Variants in AEBP2 observed in about 807,000 individuals in gnomAD.
The protein encoded by AEBP2 is zinc finger protein AEBP2.
A neutral mutation model predicts 50.8 loss-of-function variants in AEBP2; 10 were observed. The ratio of observed to expected loss-of-function variants is 0.20; its 90% CI spans 0.12 to 0.33. The LOEUF is 0.33. AEBP2 is among the 10% of genes least tolerant of loss of function. AEBP2 has a pLI of 1.00. For missense variants in AEBP2, 570 were observed against 688.0 expected, an observed-to-expected ratio of 0.83 and a Z score of 1.92; for synonymous variants, 296 against 261.3, an observed-to-expected ratio of 1.13 and a Z score of -1.28.
At chr12:19,468,791 C>T (rs935493089) in intron 2 of AEBP2, among the ~76,000 whole-genome samples, 1 of 152,172 alleles carries the variant, frequency 6.6e-6, no homozygotes, top group African/African-American at 2.4e-5. Flanking sequence ...TTCCCAGAGG[C>T]AAAACCTGTT....
At chr12:19,494,144 A>T (rs184113601) in intron 4 of AEBP2, among the ~76,000 whole-genome samples, 158 bp downstream of exon 4, 4 of 152,210 alleles carry the variant, frequency 2.6e-5, no homozygotes, top group Non-Finnish European at 4.4e-5. Flanking sequence ...TCAGTGGCAC[A>T]TGTTTGTAGT....
chr12:19,473,455 G>T (rs1000627096), intron 3 of AEBP2, 100 bp downstream of exon 3: 4 of 421,752 alleles, frequency 9.5e-6, no homozygotes, highest in Non-Finnish European at 1.4e-5. Flanking sequence ...GCCCAGGCTG[G>T]AGTGCAATGG....
At chr12:19,460,845 A>T in intron 1 of AEBP2, among the ~76,000 whole-genome samples, 1 of 151,022 alleles carries the variant, frequency 6.6e-6, no homozygotes, top group East Asian at 2.0e-4. Context: ...TAGTAGAGAC[A>T]GGGTTTCACC....
At chr12:19,462,214 G>A (rs1948391387) in intron 1 of AEBP2, among the ~76,000 whole-genome samples, 3 of 152,130 alleles carry the variant, frequency 2.0e-5, no homozygotes, top group Admixed American at 2.0e-4. Context: ...GTGTGTGTGG[G>A]GGTGTGGGTG....
chr12:19,465,276 C>G (rs1258701096), intron 2 of AEBP2, among the ~76,000 whole-genome samples: 1 of 151,966 alleles, frequency 6.6e-6, no homozygotes, highest in African/African-American at 2.4e-5. Context: ...CCCCTGTAGT[C>G]CCAGCTACTC....
chr12:19,457,151 A>T (rs562922900), intron 1 of AEBP2: 1 of 1,597,866 alleles, frequency 6.3e-7, no homozygotes, highest in East Asian at 2.2e-5. Context: ...TTCTGGCTGT[A>T]GGGTGGCTCA....
intron 1 of AEBP2, among the ~76,000 whole-genome samples, chr12:19,444,333 G>A (rs1948020032): frequency 6.6e-6 from 1 of 152,334 alleles, no homozygotes; most frequent in South Asian, 2.1e-4. Flanking sequence ...ATAGAAGACA[G>A]TCTCAAGTTC....
At chr12:19,477,945 T>TAGA (rs1376998801) in intron 3 of AEBP2, among the ~76,000 whole-genome samples, 1 of 152,210 alleles carries the variant, frequency 6.6e-6, no homozygotes, top group African/African-American at 2.4e-5. Context: ...GTTTATCCTC[T>TAGA]CCTCTACATT....
intron 2 of AEBP2, among the ~76,000 whole-genome samples, chr12:19,471,999 T>C (rs1948580894): frequency 6.6e-6 from 1 of 152,178 alleles, no homozygotes. Flanking sequence ...TTAAAGAAAC[T>C]AGCAAATTCG....
intron 1 of AEBP2, among the ~76,000 whole-genome samples, chr12:19,424,784 G>T (rs1384085091): frequency 6.6e-6 from 1 of 151,886 alleles, no homozygotes; most frequent in East Asian, 2.0e-4. Context: ...GAGGTGGGTG[G>T]ATCACTTGAG....
intron 1 of AEBP2, chr12:19,456,108 C>A (rs1046211224): frequency 6.0e-6 from 3 of 498,618 alleles, no homozygotes; most frequent in Non-Finnish European, 6.7e-6. Flanking sequence ...ATTCTCCTTT[C>A]CTTCTGAAGG....
chr12:19,429,450 G>A lies in AEBP2; in HGVS notation c.-17+25234G>A, dbSNP rs1202946244. Among the ~76,000 whole-genome samples the A allele has an allele frequency of 2.0e-5, 3 of 152,144 alleles. No homozygotes were observed. The East Asian group carries it at 5.8e-4, about 29-fold the overall frequency. ...CCGCAATAAACACACGTGTGCATGT[G>A]TCTTTATAGCAGCATGATTTATAAT... is the stretch of plus-strand genomic sequence containing the variant. On this transcript the variant is annotated intron_variant, in intron 1 of 3. Coordinates refer to the AEBP2 transcript ENST00000538425.
intron 3 of AEBP2, among the ~76,000 whole-genome samples, chr12:19,482,607 C>T (rs1948746540): frequency 6.6e-6 from 1 of 152,134 alleles, no homozygotes; most frequent in African/African-American, 2.4e-5. Context: ...ATTGCTTGCC[C>T]TAAGTTGGCC....
At position 19,440,247 on chromosome 12, in the gene AEBP2, G is replaced by A. The variant is rs1947927151; in HGVS notation, c.548G>A (p.Ser183Asn). The A allele has an allele frequency of 6.8e-7, 1 of 1,469,840 alleles. No individual in the cohort carries two copies. The highest frequency in any genetic ancestry group is 2.5e-5 in the Admixed American group (1 of 39,744). The allele number at this position is 1,469,840 out of a possible 1,614,324, so 91.0% of individuals were successfully genotyped here. ...GGSSSSSVVS[S>N]GGDEGYGTGG... is the part of the protein sequence containing the mutation. ...AGCAGTAGCAGCAGCGTAGTCTCCA[G>A]CGGCGGCGACGAGGGCTACGGGACT... Residue 183 changes from serine to asparagine, a missense_variant, in exon 1 of 8, where the codon AGC (serine) becomes AAC (asparagine). Ser to Asn is a conservative substitution (Grantham distance 46). Coordinates refer to ENST00000266508, the MANE Select transcript of AEBP2 (RefSeq NM_153207.5).
intron 1 of AEBP2, among the ~76,000 whole-genome samples, chr12:19,451,759 A>C (rs917369353): frequency 6.6e-6 from 1 of 151,686 alleles, no homozygotes; most frequent in Admixed American, 6.6e-5. Flanking sequence ...GGCTGTTCAC[A>C]GGCACAGTCA....
intron 5 of AEBP2, among the ~76,000 whole-genome samples, chr12:19,510,784 G>C (rs1949221264): frequency 6.6e-6 from 1 of 150,810 alleles, no homozygotes; most frequent in Admixed American, 6.6e-5. Flanking sequence ...AGCTATTAGA[G>C]ATACCCTAAT....
At chr12:19,508,707 C>T (rs904991981) in intron 5 of AEBP2, among the ~76,000 whole-genome samples, 16 of 152,118 alleles carry the variant, frequency 1.1e-4, no homozygotes, top group Non-Finnish European at 2.2e-4. Flanking sequence ...AAGCTTAAAC[C>T]TAGACTGATT....
intron 1 of AEBP2, among the ~76,000 whole-genome samples, chr12:19,450,847 A>AG (rs1948155899): frequency 1.3e-5 from 2 of 149,652 alleles, no homozygotes; most frequent in Middle Eastern, 3.4e-3. Flanking sequence ...TGTCTCAAAA[A>AG]AAAAAAGGGT....
chr12:19,456,063 C>T (rs559143940), intron 1 of AEBP2, among the ~76,000 whole-genome samples: 24 of 152,040 alleles, frequency 1.6e-4, no homozygotes, highest in African/African-American at 5.1e-4. Context: ...AAAACTGCCA[C>T]GCGCAAAAAA....
Sources: gnomAD v4.1 joint callset for allele counts (sites outside exome capture counted in the v4.1 genomes callset) on GRCh38, gnomAD v4.1.1 for gene constraint, MANE v1.5 for transcripts, NCBI Gene and HGNC (gene_info 2026-07-23, HGNC 2026-07-21) for gene names.